The following HSD17B4 variants were observed in gnomAD, a reference collection of about 807,000 sequenced individuals.
HSD17B4 encodes peroxisomal multifunctional enzyme type 2.
A neutral mutation model predicts 101.0 loss-of-function variants in HSD17B4; 70 were observed. The observed-to-expected ratio is 0.69, with a 90% confidence interval of 0.57 to 0.85. HSD17B4 has a LOEUF of 0.85. Among genes scored for constraint, HSD17B4 ranks in the 40% least tolerant of loss-of-function variants. HSD17B4 has a pLI of 0.00. For synonymous variants in HSD17B4, 347 were observed against 297.1 expected (o/e 1.17, Z -1.73); for missense variants, 984 against 892.4 (o/e 1.10, Z -1.31).
At chr5:119,452,673 G>C in intron 1 of HSD17B4, 40 bp downstream of exon 1, 1 of 1,612,744 alleles carries the variant, frequency 6.2e-7, no homozygotes, top group Non-Finnish European at 8.5e-7. Flanking sequence ...CCTTGCTGAG[G>C]CGCAGCTGGC....
chr5:119,476,059 CT>C (rs1169411369), intron 6 of HSD17B4, among the ~76,000 whole-genome samples, 189 bp downstream of exon 6: 1 of 152,148 alleles, frequency 6.6e-6, no homozygotes, highest in East Asian at 1.9e-4. Flanking sequence ...ACATTTAATA[CT>C]TTTAAAAAAT....
chr5:119,472,057 TA>T (rs1423869358), intron 2 of HSD17B4, among the ~76,000 whole-genome samples: 6 of 152,224 alleles, frequency 3.9e-5, no homozygotes, highest in Non-Finnish European at 7.4e-5. Context: ...TGTCATCAGT[TA>T]AACATATGAA....
At chr5:119,541,834 T>TA (rs377089667) in intron 23 of HSD17B4, 71 bp from the exon 24 acceptor site, 39,249 of 763,422 alleles carry the variant, frequency 0.051, no homozygotes, top group East Asian at 0.059. Flanking sequence ...TGAATAATCT[T>TA]AAAAAAAAAA....
intron 20 of HSD17B4, among the ~76,000 whole-genome samples, chr5:119,528,010 G>C (rs1474094508): frequency 5.9e-5 from 9 of 152,068 alleles, no homozygotes; most frequent in African/African-American, 2.2e-4. Context: ...AATACTTTTT[G>C]GCTTGATCAT....
intron 14 of HSD17B4, among the ~76,000 whole-genome samples, chr5:119,505,061 GGT>G (rs1751522804): frequency 6.6e-6 from 1 of 152,180 alleles, no homozygotes; most frequent in Admixed American, 6.5e-5. Flanking sequence ...GATGGTTGTA[GGT>G]GTGTGGGTTT....
intron 17 of HSD17B4, among the ~76,000 whole-genome samples, chr5:119,522,331 A>G (rs1753192708): frequency 1.3e-5 from 2 of 152,128 alleles, no homozygotes; most frequent in Non-Finnish European, 2.9e-5. Flanking sequence ...AATCCAGTCT[A>G]TCATTGTTGG....
Position 119,474,137 on chromosome 5 carries a change from A to G in HSD17B4, c.220+122A>G, listed in dbSNP as rs1263007207. ...TAATTATGATTTTCTAAGTCTGCCA[A>G]AGTTTTCTGACTACATATTTTATAT... On this transcript the variant is annotated intron_variant, in intron 3 of 23. Transcript: ENST00000510025. 11 of 717,872 alleles carry G rather than the reference A, an allele frequency of 1.5e-5. No homozygotes were observed. In the East Asian group the frequency reaches 1.6e-4, roughly 11 times the overall value. 44.5% of individuals were successfully genotyped at this position (717,872 alleles called of 1,614,324 possible).
In HSD17B4 at chr5:119,499,386, GCCCTT is replaced by G. The variant is rs1275848962; in HGVS notation, c.1043_1047del (p.Ala348GlyfsTer17). ...TACGGAACTGGAAGCTATTATGTAT[GCCCTT>G]GGAGTGGGAGCGTCAATCAAGGATC... On this transcript the variant is annotated frameshift_variant, in exon 13 of 24. Coordinates refer to ENST00000510025, the MANE Select transcript of HSD17B4 (RefSeq NM_000414.4). LOFTEE classifies it high-confidence loss of function. The G allele has an allele frequency of 6.2e-7, 1 of 1,613,728 alleles. No individual in the cohort carries two copies. Among genetic ancestry groups the G allele is most frequent in the Non-Finnish European group, 8.5e-7 (1 of 1,179,834 alleles).
At chr5:119,493,778 A>G (rs1239902539) in intron 10 of HSD17B4, 40 bp from the exon 11 acceptor site, 15 of 1,598,606 alleles carry the variant, frequency 9.4e-6, no homozygotes, top group Non-Finnish European at 1.3e-5. Flanking sequence ...TCTGTCTCTC[A>G]ACTATGTGCT....
chr5:119,454,010 C>T (rs1754344711), intron 1 of HSD17B4, among the ~76,000 whole-genome samples: 1 of 152,166 alleles, frequency 6.6e-6, no homozygotes, highest in South Asian at 2.1e-4. Flanking sequence ...AGGATAGGGA[C>T]TGCTTCTTTT....
chr5:119,495,462 A>C (rs1750551681), intron 11 of HSD17B4, among the ~76,000 whole-genome samples: 1 of 152,206 alleles, frequency 6.6e-6, no homozygotes, highest in African/African-American at 2.4e-5. Context: ...ACTAAATCCC[A>C]GGAAAACCTA....
intron 17 of HSD17B4, among the ~76,000 whole-genome samples, chr5:119,522,469 C>G (rs776128046): frequency 2.6e-4 from 39 of 152,090 alleles, no homozygotes; most frequent in Non-Finnish European, 4.1e-4. Context: ...ATGGCTGGGT[C>G]AAATGGTATT....
intron 23 of HSD17B4, among the ~76,000 whole-genome samples, chr5:119,539,446 G>T (rs572888480): frequency 1.3e-5 from 1 of 74,660 alleles, no homozygotes; most frequent in African/African-American, 3.6e-5. Flanking sequence ...GTTGGGGGAG[G>T]GGGGGAGGGA....
intron 17 of HSD17B4, among the ~76,000 whole-genome samples, chr5:119,519,739 A>G (rs1752949837): frequency 2.6e-5 from 4 of 152,208 alleles, no homozygotes; most frequent in Admixed American, 6.5e-5. Flanking sequence ...GAACTCATGT[A>G]AAGTCATTAA....
intron 18 of HSD17B4, chr5:119,525,713 G>GTTT (rs748728829): frequency 3.3e-3 from 1,603 of 484,000 alleles, no homozygotes; most frequent in African/African-American, 5.3e-3. Context: ...TTCCTGTTTT[G>GTTT]TTTTTTTTTT....
chr5:119,474,910 T>G (rs944737576), intron 4 of HSD17B4, among the ~76,000 whole-genome samples: 1 of 152,182 alleles, frequency 6.6e-6, no homozygotes, highest in African/African-American at 2.4e-5. Context: ...GTATTTCAAA[T>G]AAATTGTTGA....
chr5:119,541,770 CTAAA>C, intron 23 of HSD17B4, 131 bp from the exon 24 acceptor site: 1 of 650,134 alleles, frequency 1.5e-6, no homozygotes, highest in Non-Finnish European at 2.8e-6. Flanking sequence ...ATTGTCATTG[CTAAA>C]TAAAGGTTGC....
At chr5:119,466,282 C>T (rs916104270) in intron 2 of HSD17B4, among the ~76,000 whole-genome samples, 2 of 151,924 alleles carry the variant, frequency 1.3e-5, no homozygotes, top group Admixed American at 1.3e-4. Context: ...TTGTTTTGTC[C>T]TTGTCTGGTT....
At chr5:119,487,135 G>T (rs747016063) in intron 8 of HSD17B4, 13 of 151,956 alleles carry the variant, frequency 8.6e-5, no homozygotes, top group Non-Finnish European at 1.9e-4. Context: ...ACCCCATCTT[G>T]ATGCTGGCCT....
Sources: allele counts gnomAD v4.1 joint callset (sites outside exome capture counted in the v4.1 genomes callset), GRCh38; gene constraint gnomAD v4.1.1; transcripts MANE v1.5; gene names NCBI Gene and HGNC (gene_info 2026-07-23, HGNC 2026-07-21).